Variants in MGMT observed in about 807,000 individuals in gnomAD.
The protein encoded by MGMT is O-6-methylguanine-DNA methyltransferase.
MGMT carries 14 observed loss-of-function variants against 15.9 expected under a neutral mutation model. That is an observed-to-expected ratio of 0.88 (90% CI 0.58 to 1.37). The LOEUF (loss-of-function observed/expected upper bound fraction) is 1.37. Ranked by LOEUF, MGMT falls within the 40% of genes most tolerant of loss-of-function variation. MGMT has a pLI of 0.00. For synonymous variants in MGMT, 130 were observed against 118.2 expected (o/e 1.10, Z -0.65); for missense variants, 282 against 268.1 (o/e 1.05, Z -0.36).
chr10:129,587,324 GT>G (rs368600603), intron 2 of MGMT, among the ~76,000 whole-genome samples: 4,866 of 147,008 alleles, frequency 0.033, 124 homozygotes, highest in South Asian at 0.065. Context: ...TGATTTTTTT[GT>G]TTTTTTTGCA....
At chr10:129,703,040 A>G (rs1221912242) in intron 2 of MGMT, among the ~76,000 whole-genome samples, 1 of 152,222 alleles carries the variant, frequency 6.6e-6, no homozygotes, top group Non-Finnish European at 1.5e-5. Context: ...TCATGGCTTT[A>G]AAAATCTGGT....
chr10:129,468,066 G>A (rs1406536066), intron 1 of MGMT, among the ~76,000 whole-genome samples: 1 of 102,092 alleles, frequency 9.8e-6, no homozygotes, highest in East Asian at 2.1e-4. Flanking sequence ...GCTTGGTCCA[G>A]AGAGCTGTTC....
At chr10:129,504,597 G>T (rs1197110786) in intron 1 of MGMT, among the ~76,000 whole-genome samples, 1 of 152,198 alleles carries the variant, frequency 6.6e-6, no homozygotes, top group Non-Finnish European at 1.5e-5. Flanking sequence ...CACAACCATT[G>T]TGACAACTAA....
chr10:129,627,436 A>T (rs1847163145), intron 2 of MGMT, among the ~76,000 whole-genome samples: 1 of 151,714 alleles, frequency 6.6e-6, no homozygotes, highest in Non-Finnish European at 1.5e-5. Flanking sequence ...AGAAAGAAAA[A>T]AGCAGCTTTT....
chr10:129,728,367 G>C (rs893805013), intron 3 of MGMT, among the ~76,000 whole-genome samples: 1 of 152,190 alleles, frequency 6.6e-6, no homozygotes, highest in Non-Finnish European at 1.5e-5. Context: ...AGCATAGGGA[G>C]TGGGTGACGC....
rs1845939997 is a variant in MGMT, at chr10:129,532,139, C to A, written c.-12-4102C>A. ...AGGCCACCTTTGCTGGTCAGGGGAG[C>A]TGGTTCAGAGGGCTTGAGGCCAGCC... is the stretch of plus-strand genomic sequence containing the variant. On this transcript the variant is annotated intron_variant, in intron 1 of 4. Coordinates refer to ENST00000651593, the MANE Select transcript of MGMT (RefSeq NM_002412.5). The surrounding 1 kb of genome is among the most constrained non-coding windows in gnomAD (Gnocchi z 5.3). 6.6e-6 allele frequency among the ~76,000 whole-genome samples: 1 copy of A among 152,210 alleles called. No individual in the cohort carries two copies. Among genetic ancestry groups the A allele is most frequent in the Non-Finnish European group, 1.5e-5 (1 of 68,028 alleles).
intron 2 of MGMT, among the ~76,000 whole-genome samples, chr10:129,699,952 T>TAA (rs1415724347): frequency 1.3e-5 from 2 of 151,626 alleles, no homozygotes; most frequent in South Asian, 2.1e-4. Context: ...CCAGAAAGTT[T>TAA]TAAAAAAAAA....
chr10:129,641,802 A>T (rs2133090361), intron 2 of MGMT, among the ~76,000 whole-genome samples: 1 of 152,346 alleles, frequency 6.6e-6, no homozygotes, highest in Admixed American at 6.5e-5. Flanking sequence ...ACTTCCCTGC[A>T]TATTGGAACA....
chr10:129,574,547 G>T (rs1188229103), intron 2 of MGMT, among the ~76,000 whole-genome samples: 2 of 152,090 alleles, frequency 1.3e-5, no homozygotes, highest in African/African-American at 4.8e-5. Context: ...CCTAGCTTGG[G>T]GTAAAAGGCA....
chr10:129,655,533 C>T, intron 2 of MGMT, among the ~76,000 whole-genome samples: 1 of 152,180 alleles, frequency 6.6e-6, no homozygotes, highest in East Asian at 1.9e-4. Context: ...TTGTTGTCTC[C>T]TTGTGACCCT....
rs57838117 is a variant in MGMT at position 129,657,707 on chromosome 10, G to GCACA, written c.126-50170_126-50167dup. Among the ~76,000 whole-genome samples, 384 of 111,540 alleles carry GCACA rather than the reference G, an allele frequency of 3.4e-3. 3 individuals carry two copies. Among genetic ancestry groups the GCACA allele is most frequent in the African/African-American group, 0.01 (310 of 30,822 alleles). 73.2% of individuals were successfully genotyped at this position (111,540 alleles called of 152,430 possible). On this transcript the variant is annotated intron_variant, in intron 2 of 4. Transcript: ENST00000651593. ...CACACACACACACACACACACACAC[G>GCACA]CACACACACACACACACACACCCCC...
At chr10:129,475,306 T>C (rs1022131552) in intron 1 of MGMT, among the ~76,000 whole-genome samples, 3 of 151,990 alleles carry the variant, frequency 2.0e-5, no homozygotes, top group Admixed American at 2.0e-4. Context: ...TGTCATCTAG[T>C]TAAAGTCATG....
chr10:129,649,627 A>G (rs964764709), intron 2 of MGMT, among the ~76,000 whole-genome samples: 1 of 152,212 alleles, frequency 6.6e-6, no homozygotes, highest in African/African-American at 2.4e-5. Flanking sequence ...AGGTTGAGAG[A>G]GAGAAAGAGA....
intron 2 of MGMT, chr10:129,700,767 G>C (rs1276717691): frequency 6.6e-6 from 1 of 152,168 alleles, no homozygotes; most frequent in Non-Finnish European, 1.5e-5. Context: ...TCTTACCCCT[G>C]AAAGAAAACA....
intron 3 of MGMT, among the ~76,000 whole-genome samples, chr10:129,709,531 C>G (rs1848207220): frequency 6.6e-6 from 1 of 152,146 alleles, no homozygotes; most frequent in Admixed American, 6.5e-5. Context: ...GAAGAGCTGT[C>G]CAGAGGCTTT....
intron 2 of MGMT, among the ~76,000 whole-genome samples, chr10:129,706,210 G>T (rs151048663): frequency 1.3e-5 from 2 of 152,170 alleles, no homozygotes; most frequent in South Asian, 4.1e-4. Context: ...CTGCGTCTAC[G>T]TTCACACTGT....
At position 129,533,401 on chromosome 10, in the gene MGMT, A is replaced by G. The variant is rs1056264882; in HGVS notation, c.-12-2840A>G. ...CACCTGAGTCTGGAGCCCTGAGCCCAGGCCTCCTGACTCCGACAGCCTGCA... is the reference window on the plus strand; with the variant it reads ...CACCTGAGTCTGGAGCCCTGAGCCCGGGCCTCCTGACTCCGACAGCCTGCA... On this transcript the variant is annotated intron_variant, in intron 1 of 4. Transcript: ENST00000651593. The surrounding 1 kb of genome is among the most constrained non-coding windows in gnomAD (Gnocchi z 4.5). Among the ~76,000 whole-genome samples the G allele has an allele frequency of 6.6e-6, 1 of 152,182 alleles. No homozygotes were observed. The highest frequency in any genetic ancestry group is 1.5e-5 in the Non-Finnish European group (1 of 68,032).
At chr10:129,603,425 T>G (rs533982353) in intron 2 of MGMT, among the ~76,000 whole-genome samples, 9 of 152,356 alleles carry the variant, frequency 5.9e-5, no homozygotes, top group Non-Finnish European at 7.3e-5. Flanking sequence ...TTGGGTTAAT[T>G]AACTTTCTAC....
chr10:129,714,254 C>T (rs1049178085), intron 3 of MGMT, among the ~76,000 whole-genome samples: 5 of 152,238 alleles, frequency 3.3e-5, no homozygotes, highest in African/African-American at 4.8e-5. Flanking sequence ...ACCAGCTATA[C>T]TCTGGCATAT....
Sources: allele counts gnomAD v4.1 joint callset (sites outside exome capture counted in the v4.1 genomes callset), GRCh38; gene constraint gnomAD v4.1.1; non-coding constraint Gnocchi (gnomAD v3.1); transcripts MANE v1.5; gene names NCBI Gene and HGNC (gene_info 2026-07-23, HGNC 2026-07-21).